The following LCLAT1 variants were observed in gnomAD, a reference collection of about 807,000 sequenced individuals.
LCLAT1 encodes the protein 1-AGP acyltransferase 8.
Under a neutral mutation model 30.7 loss-of-function variants are expected in LCLAT1, and 11 were observed. The ratio of observed to expected loss-of-function variants is 0.36; its 90% CI spans 0.23 to 0.59. The LOEUF (loss-of-function observed/expected upper bound fraction) is 0.59. LCLAT1 is among the 20% of genes least tolerant of loss of function. The pLI is 0.77. For synonymous variants in LCLAT1, 155 were observed against 151.3 expected, an observed-to-expected ratio of 1.02 and a Z score of -0.18; for missense variants, 402 against 458.6, an observed-to-expected ratio of 0.88 and a Z score of 1.13.
chr2:30,640,233 C>A lies in LCLAT1; in HGVS notation c.745C>A (p.Arg249=), dbSNP rs1430471880. The change falls in exon 6 of 6, where the codon CGG becomes AGG. Residue 249 remains arginine, a synonymous_variant. Transcript: ENST00000379509. ...FPREIHFHVH[R]YPIDTLPTSK... ...CAGGGAAATCCACTTTCACGTCCAC[C>A]GGTATCCAATAGACACCCTCCCCAC... 1 of 1,614,016 alleles carries A rather than the reference C, an allele frequency of 6.2e-7. No homozygotes were observed. The highest frequency in any genetic ancestry group is 8.5e-7 in the Non-Finnish European group (1 of 1,179,864).
At chr2:30,528,712 TGTTTGGACA>T (rs1685851160) in intron 2 of LCLAT1, among the ~76,000 whole-genome samples, 1 of 152,212 alleles carries the variant, frequency 6.6e-6, no homozygotes, top group Non-Finnish European at 1.5e-5. Context: ...TCTTATTAGC[TGTTTGGACA>T]GTTTAACACA....
chr2:30,561,008 C>T (rs1267258872), intron 3 of LCLAT1, among the ~76,000 whole-genome samples: 1 of 138,178 alleles, frequency 7.2e-6, no homozygotes, highest in African/African-American at 2.6e-5. Flanking sequence ...ATGGTGCAAC[C>T]TCAGCTTACT....
intron 5 of LCLAT1, among the ~76,000 whole-genome samples, chr2:30,617,111 G>C (rs1412091558): frequency 6.6e-6 from 1 of 152,038 alleles, no homozygotes; most frequent in East Asian, 1.9e-4. Flanking sequence ...TAAATGTATA[G>C]AGCCACATAT....
chr2:30,510,832 A>G (rs906621438), intron 1 of LCLAT1, among the ~76,000 whole-genome samples: 10 of 151,772 alleles, frequency 6.6e-5, no homozygotes, highest in African/African-American at 2.4e-4. Flanking sequence ...GTCGTGTATA[A>G]TTTTTGCTAA....
chr2:30,572,519 C>G (rs1665824063), intron 5 of LCLAT1, among the ~76,000 whole-genome samples: 1 of 152,144 alleles, frequency 6.6e-6, no homozygotes, highest in Admixed American at 6.5e-5. Context: ...ATTCTCCTAC[C>G]TAAGCTAGGT....
chr2:30,471,537 G>A (rs529227917), intron 1 of LCLAT1, among the ~76,000 whole-genome samples: 2 of 152,140 alleles, frequency 1.3e-5, no homozygotes, highest in Non-Finnish European at 2.9e-5. Context: ...CCTAAACCTG[G>A]TATATCCTTC....
chr2:30,528,961 G>C (rs1056810379), intron 2 of LCLAT1, among the ~76,000 whole-genome samples: 1 of 152,110 alleles, frequency 6.6e-6, no homozygotes, highest in African/African-American at 2.4e-5. Context: ...GAACCATCAA[G>C]GGTGTCTTTT....
At chr2:30,497,886 A>G (rs829669) in intron 1 of LCLAT1, among the ~76,000 whole-genome samples, 109,615 of 152,148 alleles carry the variant, frequency 0.72, 40,978 homozygotes, top group East Asian at 0.87. Flanking sequence ...TGCCTGCACC[A>G]TGGAGTCCTC....
intron 1 of LCLAT1, among the ~76,000 whole-genome samples, chr2:30,508,889 C>G (rs1457572043): frequency 6.6e-6 from 1 of 152,164 alleles, no homozygotes; most frequent in Non-Finnish European, 1.5e-5. Flanking sequence ...TTGATTCTTT[C>G]TATCCATGAG....
At chr2:30,539,618 A>G (rs1405639966) in intron 3 of LCLAT1, among the ~76,000 whole-genome samples, 1 of 152,222 alleles carries the variant, frequency 6.6e-6, no homozygotes, top group African/African-American at 2.4e-5. Flanking sequence ...ATGCTAAAGT[A>G]AATTGTCCAC....
intron 5 of LCLAT1, among the ~76,000 whole-genome samples, chr2:30,585,555 C>T (rs1449435227): frequency 6.6e-6 from 1 of 152,158 alleles, no homozygotes; most frequent in Non-Finnish European, 1.5e-5. Context: ...AGGAATTGCT[C>T]CACCTGTTAA....
At chr2:30,547,689 G>T (rs1000996305) in intron 3 of LCLAT1, among the ~76,000 whole-genome samples, 1 of 151,190 alleles carries the variant, frequency 6.6e-6, no homozygotes, top group Non-Finnish European at 1.5e-5. Flanking sequence ...CCTCAAAGAG[G>T]GGGAGGTCCT....
chr2:30,561,293 C>G (rs1231168517), intron 3 of LCLAT1, among the ~76,000 whole-genome samples: 1 of 152,088 alleles, frequency 6.6e-6, no homozygotes, highest in Non-Finnish European at 1.5e-5. Flanking sequence ...TTTGGTCTGT[C>G]CATTTGACTG....
chr2:30,468,764 T>G (rs1682612247), intron 1 of LCLAT1, among the ~76,000 whole-genome samples: 1 of 152,226 alleles, frequency 6.6e-6, no homozygotes, highest in African/African-American at 2.4e-5. Flanking sequence ...ATATTTCATA[T>G]AAATGAAATT....
intron 1 of LCLAT1, among the ~76,000 whole-genome samples, chr2:30,450,218 C>G (rs1401804591): frequency 1.3e-5 from 2 of 152,196 alleles, no homozygotes; most frequent in Non-Finnish European, 2.9e-5. Flanking sequence ...TAAAAGGGAA[C>G]AGTTACTTCT....
At chr2:30,544,082 A>G (rs1486557822) in intron 3 of LCLAT1, among the ~76,000 whole-genome samples, 2 of 152,098 alleles carry the variant, frequency 1.3e-5, no homozygotes, top group Non-Finnish European at 2.9e-5. Flanking sequence ...TTGTATTCAC[A>G]TATTTTTCTG....
intron 5 of LCLAT1, among the ~76,000 whole-genome samples, chr2:30,630,075 T>G (rs192734242): frequency 2.8e-4 from 43 of 152,280 alleles, no homozygotes; most frequent in Middle Eastern, 3.4e-3. Flanking sequence ...AAGACCAAGA[T>G]CATGTGTTGG....
At chr2:30,609,671 G>T (rs1211927409) in intron 5 of LCLAT1, among the ~76,000 whole-genome samples, 2 of 152,078 alleles carry the variant, frequency 1.3e-5, no homozygotes, top group Non-Finnish European at 2.9e-5. Context: ...GTGCATAACT[G>T]TTTAGGCATT....
chr2:30,564,429 T>C (rs979977515), intron 4 of LCLAT1, among the ~76,000 whole-genome samples: 2 of 152,090 alleles, frequency 1.3e-5, no homozygotes, highest in African/African-American at 4.8e-5. Context: ...AAAACTTTTT[T>C]CATTCTGTAT....
Sources: gnomAD v4.1 joint callset for allele counts (sites outside exome capture counted in the v4.1 genomes callset) on GRCh38, gnomAD v4.1.1 for gene constraint, MANE v1.5 for transcripts, NCBI Gene and HGNC (gene_info 2026-07-23, HGNC 2026-07-21) for gene names.